EPB41L4B: variants seen among roughly 807,000 people sequenced by gnomAD.
EPB41L4B encodes the protein erythrocyte membrane protein band 4.1 like 4B, also known as band 4.1-like protein 4B.
A neutral mutation model predicts 112.5 loss-of-function variants in EPB41L4B; 30 were observed. The ratio of observed to expected loss-of-function variants is 0.27; its 90% CI spans 0.20 to 0.36. EPB41L4B has a LOEUF of 0.36. Among genes scored for constraint, EPB41L4B ranks in the 10% least tolerant of loss-of-function variants. The pLI, the probability that EPB41L4B is intolerant of heterozygous loss-of-function variation, is 1.00. For synonymous variants in EPB41L4B, 408 were observed against 439.7 expected, an observed-to-expected ratio of 0.93 and a Z score of 0.90; for missense variants, 1,024 against 1,133.3, an observed-to-expected ratio of 0.90 and a Z score of 1.38.
chr9:109,253,381 G>T, intron 12 of EPB41L4B, 60 bp downstream of exon 12: 1 of 1,212,978 alleles, frequency 8.2e-7, no homozygotes, highest in Non-Finnish European at 1.2e-6. Flanking sequence ...CAAGCTCCTC[G>T]AGGGCTTAAA....
Position 109,240,375 on chromosome 9 carries a change from T to C in EPB41L4B, c.1409+3243A>G, listed in dbSNP as rs190026041. ...ATGCAGCTGATACCTTCTTGCTGAA[T>C]AGATTTTTGCAGTAGCCAAAAAAGA... On this transcript the variant is annotated intron_variant, in intron 15 of 25. Coordinates refer to ENST00000374566, the MANE Select transcript of EPB41L4B (RefSeq NM_019114.5). 3.8e-4 allele frequency: 370 copies of C among 985,400 alleles called. 1 individual carries two copies. Among genetic ancestry groups the C allele is most frequent in the African/African-American group, 8.7e-5 (5 of 57,368 alleles). The allele number at this position is 985,400 out of a possible 1,614,324, so 61.0% of individuals were successfully genotyped here. A position where few individuals can be genotyped will look rare whatever the true frequency, so the allele number is the denominator to read the frequency against.
At chr9:109,296,121 TC>T (rs1430026529) in intron 1 of EPB41L4B, among the ~76,000 whole-genome samples, 7 of 152,120 alleles carry the variant, frequency 4.6e-5, no homozygotes, top group African/African-American at 1.7e-4. Flanking sequence ...TGCAACAAAT[TC>T]CCAGGAAATC....
chr9:109,202,910 C>T (rs1390864655), intron 19 of EPB41L4B, among the ~76,000 whole-genome samples: 2 of 152,052 alleles, frequency 1.3e-5, no homozygotes, highest in Non-Finnish European at 2.9e-5. Context: ...AATCTCAGCA[C>T]TTTGGGAGGC....
intron 1 of EPB41L4B, among the ~76,000 whole-genome samples, chr9:109,288,217 C>T (rs1564322045): frequency 6.6e-6 from 1 of 152,228 alleles, no homozygotes; most frequent in Non-Finnish European, 1.5e-5. Context: ...AGGGTGCCAT[C>T]CACAAGTACC....
At chr9:109,205,700 C>T (rs1234367640) in intron 18 of EPB41L4B, among the ~76,000 whole-genome samples, 1 of 152,214 alleles carries the variant, frequency 6.6e-6, no homozygotes, top group African/African-American at 2.4e-5. Flanking sequence ...ACAACTGTGA[C>T]CACTGTTGTC....
intron 11 of EPB41L4B, 120 bp downstream of exon 11, chr9:109,255,391 G>T: frequency 8.6e-7 from 1 of 1,166,778 alleles, no homozygotes; most frequent in Non-Finnish European, 1.2e-6. Flanking sequence ...GAAACGTGGG[G>T]ATGGGACACA....
At chr9:109,203,213 C>T (rs1303180088) in intron 19 of EPB41L4B, among the ~76,000 whole-genome samples, 1 of 152,156 alleles carries the variant, frequency 6.6e-6, no homozygotes, top group African/African-American at 2.4e-5. Context: ...CCAGCACTAA[C>T]AAGAAGCTCA....
At chr9:109,311,145 C>T (rs1837399898) in intron 1 of EPB41L4B, among the ~76,000 whole-genome samples, 1 of 152,128 alleles carries the variant, frequency 6.6e-6, no homozygotes, top group Admixed American at 6.5e-5. Context: ...TGTGAATGTA[C>T]ATCATGCCAC....
chr9:109,247,890 G>C, intron 13 of EPB41L4B, 101 bp from the exon 14 acceptor site: 1 of 858,134 alleles, frequency 1.2e-6, no homozygotes. Flanking sequence ...ATTCCTATGT[G>C]CTACATACTC....
At chr9:109,219,843 C>T (rs1051879037) in intron 15 of EPB41L4B, among the ~76,000 whole-genome samples, 1 of 152,092 alleles carries the variant, frequency 6.6e-6, no homozygotes, top group Non-Finnish European at 1.5e-5. Context: ...TGTGTGCCTA[C>T]TGTGTGTAAT....
chr9:109,317,044 G>A (rs894376713), intron 1 of EPB41L4B, among the ~76,000 whole-genome samples: 4 of 152,122 alleles, frequency 2.6e-5, no homozygotes, highest in East Asian at 1.9e-4. Context: ...GATTAAGACC[G>A]TAGTGAGCTG....
chr9:109,267,663 A>G, intron 3 of EPB41L4B, 112 bp from the exon 4 acceptor site: 1 of 708,970 alleles, frequency 1.4e-6, no homozygotes. Context: ...CAACATCAGG[A>G]CAGCATAACT....
intron 6 of EPB41L4B, among the ~76,000 whole-genome samples, chr9:109,260,758 C>A (rs1835171899): frequency 6.6e-6 from 1 of 152,148 alleles, no homozygotes; most frequent in Non-Finnish European, 1.5e-5. Flanking sequence ...GATTTCAGCT[C>A]AAAGGATAAT....
chr9:109,320,083 G>C (rs924989235), intron 1 of EPB41L4B, 58 bp downstream of exon 1: 2 of 1,344,880 alleles, frequency 1.5e-6, no homozygotes, highest in Non-Finnish European at 1.9e-6. Flanking sequence ...ACTGGGGGAG[G>C]GGGAGCTGCC....
At chr9:109,202,838 C>T (rs1001796874) in intron 19 of EPB41L4B, among the ~76,000 whole-genome samples, 9 of 152,196 alleles carry the variant, frequency 5.9e-5, no homozygotes, top group Admixed American at 3.3e-4. Context: ...ATCCAAGTTA[C>T]ACTTGTACCC....
chr9:109,203,585 C>A, intron 19 of EPB41L4B, 78 bp downstream of exon 19: 1 of 1,159,972 alleles, frequency 8.6e-7, no homozygotes, highest in Non-Finnish European at 1.3e-6. Context: ...CAGCTAATGC[C>A]CTCGTGAGCA....
intron 5 of EPB41L4B, 29 bp downstream of exon 5, chr9:109,264,951 G>A (rs1366980359): frequency 1.3e-6 from 2 of 1,584,468 alleles, no homozygotes; most frequent in African/African-American, 2.7e-5. Context: ...TCTATCCTGG[G>A]TTAAGAGTTA....
intron 4 of EPB41L4B, among the ~76,000 whole-genome samples, chr9:109,266,917 C>A (rs769035807): frequency 1.9e-4 from 26 of 140,494 alleles, no homozygotes; most frequent in Non-Finnish European, 3.5e-4. Context: ...TGCAGTGACC[C>A]AAGATCATGC....
chr9:109,285,326 G>A (rs1302142639), intron 1 of EPB41L4B, among the ~76,000 whole-genome samples: 6 of 152,184 alleles, frequency 3.9e-5, no homozygotes, highest in East Asian at 3.9e-4. Flanking sequence ...GAAGGGGCTC[G>A]AGGTGGAGGT....
Sources: gnomAD v4.1 joint callset for allele counts (sites outside exome capture counted in the v4.1 genomes callset) on GRCh38, gnomAD v4.1.1 for gene constraint, MANE v1.5 for transcripts, NCBI Gene and HGNC (gene_info 2026-07-23, HGNC 2026-07-21) for gene names.